The following TTC28 variants were observed in gnomAD, a reference collection of about 807,000 sequenced individuals.
The protein encoded by TTC28 is tetratricopeptide repeat domain 28.
In TTC28, 61 loss-of-function variants were observed where a neutral mutation model predicts 198.0. That is an observed-to-expected ratio of 0.31 (90% CI 0.25 to 0.38). The LOEUF is 0.38. TTC28 is among the 10% of genes least tolerant of loss of function. The pLI, the probability that TTC28 is intolerant of heterozygous loss-of-function variation, is 1.00. For missense variants in TTC28, 2,678 were observed against 3,164.0 expected, an observed-to-expected ratio of 0.85 and a Z score of 3.69; for synonymous variants, 1,171 against 1,297.8, an observed-to-expected ratio of 0.90 and a Z score of 2.10.
intron 8 of TTC28, among the ~76,000 whole-genome samples, chr22:28,102,069 A>G (rs1385491073): frequency 6.6e-6 from 1 of 152,188 alleles, no homozygotes; most frequent in East Asian, 1.9e-4. Context: ...CTCCTGGCTG[A>G]TAAACTTATC....
At chr22:28,018,157 G>A (rs1469778606) in intron 13 of TTC28, among the ~76,000 whole-genome samples, 3 of 152,170 alleles carry the variant, frequency 2.0e-5, no homozygotes, top group Non-Finnish European at 4.4e-5. Flanking sequence ...CCCAGTCTGG[G>A]TGGGCCCAGC....
At chr22:28,079,529 G>A (rs1199688188) in intron 12 of TTC28, among the ~76,000 whole-genome samples, 3 of 151,934 alleles carry the variant, frequency 2.0e-5, no homozygotes, top group Non-Finnish European at 4.4e-5. Context: ...ACCCATCCCT[G>A]AGGACCACCA....
At chr22:28,366,981 A>C (rs942432794) in intron 2 of TTC28, among the ~76,000 whole-genome samples, 1 of 152,076 alleles carries the variant, frequency 6.6e-6, no homozygotes, top group African/African-American at 2.4e-5. Context: ...CCCCAATACA[A>C]TCATAGCTGG....
intron 5 of TTC28, among the ~76,000 whole-genome samples, chr22:28,190,404 C>G (rs1013249211): frequency 6.6e-6 from 1 of 152,214 alleles, no homozygotes; most frequent in African/African-American, 2.4e-5. Context: ...AGCTCAAGAT[C>G]TTATGCTCTG....
chr22:28,363,079 G>A (rs759000551), intron 2 of TTC28, among the ~76,000 whole-genome samples: 2 of 152,272 alleles, frequency 1.3e-5, no homozygotes, highest in Admixed American at 1.3e-4. Flanking sequence ...CAAGACAATG[G>A]GGAAAATGTC....
At chr22:28,229,391 A>G (rs1027491893) in intron 5 of TTC28, among the ~76,000 whole-genome samples, 2 of 152,198 alleles carry the variant, frequency 1.3e-5, no homozygotes, top group African/African-American at 4.8e-5. Context: ...AACTTTCAAC[A>G]GCTATCATAA....
chr22:28,651,626 G>C (rs924149864), intron 1 of TTC28, among the ~76,000 whole-genome samples: 1 of 151,626 alleles, frequency 6.6e-6, no homozygotes, highest in African/African-American at 2.4e-5. Context: ...TGTCCAGGCT[G>C]GTCTCAAACT....
chr22:28,443,995 C>T (rs1208144068), intron 2 of TTC28, among the ~76,000 whole-genome samples: 1 of 152,134 alleles, frequency 6.6e-6, no homozygotes, highest in Admixed American at 6.5e-5. Flanking sequence ...ATTTTACCCC[C>T]AATGAACTTT....
At chr22:28,245,471 T>C (rs1023264739) in intron 5 of TTC28, among the ~76,000 whole-genome samples, 1 of 152,154 alleles carries the variant, frequency 6.6e-6, no homozygotes, top group Admixed American at 6.6e-5. Context: ...ATGAGGAGGC[T>C]GAATCTAAGG....
chr22:27,987,600 G>T (rs971369773), intron 21 of TTC28, among the ~76,000 whole-genome samples: 10 of 152,156 alleles, frequency 6.6e-5, no homozygotes, highest in Non-Finnish European at 1.3e-4. Flanking sequence ...GGCGTGGGTG[G>T]TGCATGCCTC....
intron 2 of TTC28, among the ~76,000 whole-genome samples, chr22:28,591,934 T>C (rs987438111): frequency 7.2e-5 from 11 of 152,106 alleles, no homozygotes; most frequent in Admixed American, 2.0e-4. Flanking sequence ...TTTGAAAATA[T>C]GAATAAAAGA....
intron 20 of TTC28, 137 bp downstream of exon 20, chr22:27,990,652 C>A: frequency 1.3e-6 from 1 of 763,932 alleles, no homozygotes; most frequent in African/African-American, 1.8e-5. Context: ...CAGTGCGCAC[C>A]CGCGGGGGCG....
At chr22:28,520,249 A>C (rs2048877348) in intron 2 of TTC28, among the ~76,000 whole-genome samples, 2 of 152,246 alleles carry the variant, frequency 1.3e-5, no homozygotes, top group African/African-American at 4.8e-5. Flanking sequence ...CAAAATTGAA[A>C]GGACCTAATG....
chr22:28,031,379 C>T (rs946441248), intron 12 of TTC28, among the ~76,000 whole-genome samples: 2 of 152,132 alleles, frequency 1.3e-5, no homozygotes, highest in African/African-American at 4.8e-5. Context: ...AACTCTAAGC[C>T]CACAGGAAAA....
rs796458363 is a variant in TTC28, at chr22:28,118,202, C to T, written c.1442-9799G>A. On this transcript the variant is annotated intron_variant, in intron 6 of 22. Coordinates refer to ENST00000397906, the MANE Select transcript of TTC28 (RefSeq NM_001145418.2). The stretch of plus-strand genomic sequence containing the variant: ...TCACCTGAAGTCAGGAGTTCGAGAC[C>T]AACCTGGCCAACATGGTGAAACCCC... Among the ~76,000 whole-genome samples the T allele has an allele frequency of 9.9e-5, 15 of 152,160 alleles. 1 individual carries two copies. The highest frequency in any genetic ancestry group is 3.6e-4 in the African/African-American group (15 of 41,520).
intron 2 of TTC28, among the ~76,000 whole-genome samples, chr22:28,618,759 GA>G (rs1379195665): frequency 6.7e-6 from 1 of 148,878 alleles, no homozygotes; most frequent in African/African-American, 2.5e-5. Context: ...AAATTAACAA[GA>G]AAAAAAATCA....
chr22:28,321,098 G>A (rs532519955), intron 2 of TTC28, among the ~76,000 whole-genome samples: 32 of 152,242 alleles, frequency 2.1e-4, no homozygotes, highest in Middle Eastern at 3.4e-3. Flanking sequence ...TTATACTGCT[G>A]GTAAAAAATC....
intron 12 of TTC28, among the ~76,000 whole-genome samples, chr22:28,081,509 T>C (rs12166256): frequency 0.066 from 10,042 of 151,140 alleles, 291 homozygotes; most frequent in South Asian, 0.087. Flanking sequence ...TTTTTTTTTT[T>C]TTAGGTGGAG....
intron 2 of TTC28, among the ~76,000 whole-genome samples, chr22:28,498,891 A>C (rs74720230): frequency 0.053 from 8,075 of 152,214 alleles, 343 homozygotes; most frequent in East Asian, 0.24. Flanking sequence ...AAATAAATTT[A>C]TTTACTGAGT....
Sources: allele counts gnomAD v4.1 joint callset (sites outside exome capture counted in the v4.1 genomes callset), GRCh38; gene constraint gnomAD v4.1.1; transcripts MANE v1.5; gene names NCBI Gene and HGNC (gene_info 2026-07-23, HGNC 2026-07-21).